The following P2RY10 variants were observed in gnomAD, a reference collection of about 807,000 sequenced individuals.
The protein encoded by P2RY10 is P2Y receptor family member 10.
P2RY10 carries 4 observed loss-of-function variants against 12.1 expected under a neutral mutation model. That is an observed-to-expected ratio of 0.33 (90% CI 0.16 to 0.76). The LOEUF is 0.76. Among genes scored for constraint, P2RY10 ranks in the 30% least tolerant of loss-of-function variants. The probability of loss-of-function intolerance (pLI) is 0.61; values close to 1 mark genes in which losing one functional copy is unlikely to be tolerated. For synonymous variants in P2RY10, 112 were observed against 94.1 expected (o/e 1.19, Z -1.10); for missense variants, 233 against 264.6 (o/e 0.88, Z 0.83).
chrX:78,956,965 A>G (rs1202086493), intron 3 of P2RY10, among the ~76,000 whole-genome samples: 1 of 111,624 alleles, frequency 9.0e-6, no homozygotes, highest in Non-Finnish European at 1.9e-5. Flanking sequence ...TAAACAGTTT[A>G]GTAAGGGAGC....
chrX:78,950,303 A>C (rs760402013), intron 2 of P2RY10, among the ~76,000 whole-genome samples: 13 of 111,122 alleles, frequency 1.2e-4, no homozygotes, highest in Non-Finnish European at 9.4e-5. Context: ...AATCATACCA[A>C]ATGAGAGCTA....
intron 3 of P2RY10, among the ~76,000 whole-genome samples, chrX:78,957,357 G>GAC (rs765759888): frequency 0.02 from 1,142 of 57,859 alleles, 23 homozygotes; most frequent in African/African-American, 0.047. Context: ...GGAAGAGAAA[G>GAC]ACACACACAC....
chrX:78,949,149 G>C (rs920339371), intron 2 of P2RY10, among the ~76,000 whole-genome samples: 21 of 111,290 alleles, frequency 1.9e-4, no homozygotes, highest in African/African-American at 6.9e-4. Context: ...TAGTGATGTG[G>C]AGCATTTTTT....
intron 1 of P2RY10, among the ~76,000 whole-genome samples, chrX:78,947,271 G>A (rs1201605367): frequency 1.8e-5 from 2 of 111,457 alleles, no homozygotes; most frequent in African/African-American, 3.3e-5. Context: ...CTCTGTCATG[G>A]CTCAAGCAAA....
chrX:78,951,173 T>C (rs1240406259), intron 2 of P2RY10, among the ~76,000 whole-genome samples: 1 of 111,888 alleles, frequency 8.9e-6, no homozygotes, highest in Admixed American at 9.5e-5. Context: ...TCAGCTCCAA[T>C]GAATCATATT....
chrX:78,951,119 C>T (rs887288297), intron 2 of P2RY10, among the ~76,000 whole-genome samples: 1 of 111,451 alleles, frequency 9.0e-6, no homozygotes, highest in East Asian at 2.8e-4. Flanking sequence ...GGAAGAGCAG[C>T]TGCTTTTGGG....
chrX:78,956,226 T>C (rs775980856), intron 3 of P2RY10, among the ~76,000 whole-genome samples: 1 of 111,854 alleles, frequency 8.9e-6, no homozygotes, highest in South Asian at 3.7e-4. Context: ...CTGTGATTTC[T>C]AAATTGATTT....
At chrX:78,957,967 G>A (rs1922427383) in intron 3 of P2RY10, among the ~76,000 whole-genome samples, 2 of 112,228 alleles carry the variant, frequency 1.8e-5, no homozygotes, top group Non-Finnish European at 3.8e-5. Context: ...GACTGCAGGA[G>A]AGTAAGGTTA....
rs1602272848 is a variant in P2RY10, at chrX:78,961,800, T to C, written c.*260T>C. 6 of 278,540 alleles carry C rather than the reference T, an allele frequency of 2.2e-5. No homozygotes were observed. The East Asian group carries it at 2.9e-4, about 14-fold the overall frequency. 23.0% of individuals were successfully genotyped at this position (278,540 alleles called of 1,213,427 possible). A position where few individuals can be genotyped will look rare whatever the true frequency, so the allele number is the denominator to read the frequency against. On this transcript the variant is annotated 3_prime_UTR_variant, in exon 4 of 4. Coordinates refer to ENST00000171757, the MANE Select transcript of P2RY10 (RefSeq NM_014499.4). ...TTATTTAAGAAACCTAGATCAAGTT[T>C]TTACAGATGTAAATAAAAGTTGAAT... is the stretch of plus-strand genomic sequence containing the variant.
chrX:78,961,537 C>T lies in P2RY10; in HGVS notation c.1017C>T (p.Gly339=). ...MSKESGSSMI[G] is the part of the protein sequence containing the mutation. ...AGGAGAGTGGTTCATCAATGATTGG[C>T]TAAAATTAAGATATCTCTTTAATTA... Residue 339 remains glycine, a synonymous_variant, in exon 4 of 4, where the codon GGC becomes GGT. Coordinates refer to ENST00000171757, the MANE Select transcript of P2RY10 (RefSeq NM_014499.4). 1 of 1,175,527 alleles carries T rather than the reference C, an allele frequency of 8.5e-7. No individual in the cohort carries two copies. Among genetic ancestry groups the T allele is most frequent in the South Asian group, 1.9e-5 (1 of 53,314 alleles).
chrX:78,946,066 G>A (rs1921820231), intron 1 of P2RY10, among the ~76,000 whole-genome samples: 1 of 111,663 alleles, frequency 9.0e-6, no homozygotes, highest in Non-Finnish European at 1.9e-5. Flanking sequence ...CCAGTGAAGT[G>A]AAGACACTTA....
chrX:78,952,115 T>C, intron 2 of P2RY10, 78 bp from the exon 3 acceptor site: 1 of 418,201 alleles, frequency 2.4e-6, no homozygotes, highest in Non-Finnish European at 3.0e-6. Flanking sequence ...TATGGCTGTA[T>C]AGTATTTAGA....
Position 78,961,103 on chromosome X carries a change from T to C in P2RY10, c.583T>C (p.Leu195=). ...LGYKQMNAVA[L]VGMITVAELA... is the part of the protein sequence containing the mutation. ...ATACAAGCAAATGAATGCAGTTGCG[T>C]TGGTCGGGATGATTACAGTTGCTGA... The change falls in exon 4 of 4, where the codon TTG becomes CTG. Residue 195 remains leucine (L), a synonymous_variant. Coordinates refer to ENST00000171757, the MANE Select transcript of P2RY10 (RefSeq NM_014499.4). The C allele has an allele frequency of 8.3e-7, 1 of 1,210,970 alleles. No individual in the cohort carries two copies. Among genetic ancestry groups the C allele is most frequent in the South Asian group, 1.8e-5 (1 of 56,962 alleles).
At position 78,961,883 on chromosome X, in the gene P2RY10, T is replaced by C. The variant is rs1342075535; in HGVS notation, c.*343T>C. 1 of 148,700 alleles carries C rather than the reference T, an allele frequency of 6.7e-6. No homozygotes were observed. The highest frequency in any genetic ancestry group is 1.4e-5 in the Non-Finnish European group (1 of 71,290). The allele number at this position is 148,700 out of a possible 1,213,427, so 12.3% of individuals were successfully genotyped here. A position where few individuals can be genotyped will look rare whatever the true frequency, so the allele number is the denominator to read the frequency against. On this transcript the variant is annotated 3_prime_UTR_variant, in exon 4 of 4. Coordinates refer to ENST00000171757, the MANE Select transcript of P2RY10 (RefSeq NM_014499.4). ...TATTGTTAATAATGCACAGTAAATA[T>C]GTGAATTTTTCCTAGATGTAAAAAA... is the stretch of plus-strand genomic sequence containing the variant.
chrX:78,954,926 A>G (rs1922266548), intron 3 of P2RY10, among the ~76,000 whole-genome samples: 1 of 112,106 alleles, frequency 8.9e-6, no homozygotes, highest in East Asian at 2.8e-4. Context: ...TAATTCAGAC[A>G]AAGTGAGGTT....
At chrX:78,957,275 A>G (rs1569244608) in intron 3 of P2RY10, among the ~76,000 whole-genome samples, 1 of 107,088 alleles carries the variant, frequency 9.3e-6, no homozygotes, top group Non-Finnish European at 1.9e-5. Context: ...ATTGGAGGGG[A>G]GAGAAATTGG....
At chrX:78,955,183 G>A (rs1283932831) in intron 3 of P2RY10, among the ~76,000 whole-genome samples, 1 of 111,424 alleles carries the variant, frequency 9.0e-6, no homozygotes, top group Non-Finnish European at 1.9e-5. Flanking sequence ...CAACACTGAG[G>A]GATTCTCATC....
rs1037106758 is a variant in P2RY10, at chrX:78,963,103, C to A, written c.*1563C>A. 1.6e-4 allele frequency among the ~76,000 whole-genome samples: 18 copies of A among 111,529 alleles called. No individual in the cohort carries two copies. Among genetic ancestry groups the A allele is most frequent in the Non-Finnish European group, 3.0e-4 (16 of 53,113 alleles). On this transcript the variant is annotated 3_prime_UTR_variant, in exon 4 of 4. Coordinates refer to ENST00000171757, the MANE Select transcript of P2RY10 (RefSeq NM_014499.4). ...ACAATCCCTCAGCTTATCAGGTTGACATTTATGAAGCTGACCTCATCACTC... is the reference window on the plus strand; with the variant it reads ...ACAATCCCTCAGCTTATCAGGTTGAAATTTATGAAGCTGACCTCATCACTC...
At position 78,960,858 on chromosome X, in the gene P2RY10, A is replaced by G; in HGVS notation, c.338A>G (p.Lys113Arg). 8.3e-7 allele frequency: 1 copy of G among 1,211,156 alleles called. No homozygotes were observed. Among genetic ancestry groups the G allele is most frequent in the Non-Finnish European group, 1.1e-6 (1 of 895,156 alleles). ...CTTTGCCTGCTCTGCTTCTACCTGA[A>G]GTATCTCAACATGTATGCCAGCATT... ...RALCLLCFYL[K>R]YLNMYASICF... The change falls in exon 4 of 4, where the codon AAG becomes AGG. Residue 113 changes from lysine (K) to arginine (R), a missense_variant. By Grantham distance (26) the Lys-to-Arg change is conservative. Coordinates refer to ENST00000171757, the MANE Select transcript of P2RY10 (RefSeq NM_014499.4).
Sources: allele counts gnomAD v4.1 joint callset (sites outside exome capture counted in the v4.1 genomes callset), GRCh38; gene constraint gnomAD v4.1.1; transcripts MANE v1.5; gene names NCBI Gene and HGNC (gene_info 2026-07-23, HGNC 2026-07-21).